EIF2S1: variants seen among roughly 807,000 people sequenced by gnomAD.
The protein encoded by EIF2S1 is eukaryotic translation initiation factor 2 subunit alpha.
In EIF2S1, 5 loss-of-function variants were observed where a neutral mutation model predicts 33.5. The ratio of observed to expected loss-of-function variants is 0.15; its 90% confidence interval spans 0.08 to 0.31. The LOEUF (loss-of-function observed/expected upper bound fraction) is 0.31. EIF2S1 is among the 10% of genes least tolerant of loss of function. The probability of loss-of-function intolerance (pLI) is 1.00; values close to 1 mark genes in which losing one functional copy is unlikely to be tolerated. For missense variants in EIF2S1, 191 were observed against 384.6 expected (o/e 0.50, Z 4.21); for synonymous variants, 99 against 127.5 (o/e 0.78, Z 1.51).
Position 67,385,474 on chromosome 14 carries a change from C to T in EIF2S1, c.*2034C>T, listed in dbSNP as rs1404419694. The T allele has an allele frequency of 6.6e-6, 1 of 151,398 alleles. No individual in the cohort carries two copies. Among genetic ancestry groups the T allele is most frequent in the Non-Finnish European group, 1.5e-5 (1 of 67,890 alleles). 9.4% of individuals were successfully genotyped at this position (151,398 alleles called of 1,614,324 possible). A position where few individuals can be genotyped will look rare whatever the true frequency, so the allele number is the denominator to read the frequency against. ...AAAAAAAACCAAAAATCTTGAATCT[C>T]CCATCAAAGCCTTTTCATTAAAAAT... On this transcript the variant is annotated 3_prime_UTR_variant, in exon 8 of 8. Transcript: ENST00000256383.
intron 3 of EIF2S1, among the ~76,000 whole-genome samples, chr14:67,375,070 T>C (rs1406446950): frequency 1.3e-4 from 20 of 152,176 alleles, no homozygotes; most frequent in Non-Finnish European, 4.4e-5. Flanking sequence ...CACTAGCGTG[T>C]TAGGATTATT....
At position 67,376,722 on chromosome 14, in the gene EIF2S1, G is replaced by T. The variant is rs1361092018; in HGVS notation, c.473+132G>T. The T allele has an allele frequency of 5.7e-6, 5 of 873,702 alleles. No individual in the cohort carries two copies. The East Asian group carries it at 1.2e-4, about 22-fold the overall frequency. The allele number at this position is 873,702 out of a possible 1,614,324, so 54.1% of individuals were successfully genotyped here. On this transcript the variant is annotated intron_variant, in intron 4 of 7. Coordinates refer to ENST00000256383, the MANE Select transcript of EIF2S1 (RefSeq NM_004094.5). Reference sequence around the variant, plus strand: ...AATATTTTGTATTGGCCAGTAAATGGGCCAATCCTATATGGTCAAGTCTGT... The same window carrying T: ...AATATTTTGTATTGGCCAGTAAATGTGCCAATCCTATATGGTCAAGTCTGT...
intron 2 of EIF2S1, among the ~76,000 whole-genome samples, chr14:67,367,190 GT>G (rs1214905797): frequency 6.6e-6 from 1 of 152,222 alleles, no homozygotes; most frequent in African/African-American, 2.4e-5. Context: ...AGAGCTTATA[GT>G]TTTGAGTTCA....
intron 4 of EIF2S1, among the ~76,000 whole-genome samples, chr14:67,378,170 G>A (rs1008977017): frequency 6.6e-6 from 1 of 151,032 alleles, no homozygotes; most frequent in African/African-American, 2.4e-5. Context: ...TATACTTGCT[G>A]TCTCTTTACC....
chr14:67,380,141 A>G (rs553115129), intron 4 of EIF2S1, among the ~76,000 whole-genome samples: 1 of 151,928 alleles, frequency 6.6e-6, no homozygotes, highest in South Asian at 2.1e-4. Flanking sequence ...TCATATTTTC[A>G]TTTGCTCACT....
intron 4 of EIF2S1, among the ~76,000 whole-genome samples, chr14:67,377,598 T>A (rs147378226): frequency 6.6e-6 from 1 of 152,376 alleles, no homozygotes; most frequent in African/African-American, 2.4e-5. Context: ...CTGGAATTTG[T>A]GTCCTAATTG....
At chr14:67,364,617 C>A in intron 1 of EIF2S1, 150 bp from the exon 2 acceptor site, 1 of 714,000 alleles carries the variant, frequency 1.4e-6, no homozygotes, top group Non-Finnish European at 2.2e-6. Context: ...TTTTCTGGTA[C>A]CACTTAAGAA....
chr14:67,369,635 A>C (rs61988179), intron 2 of EIF2S1, among the ~76,000 whole-genome samples: 25,339 of 152,216 alleles, frequency 0.17, 2,607 homozygotes, highest in Non-Finnish European at 0.23. Flanking sequence ...CTCTGATCAC[A>C]CTGGAAGTAA....
chr14:67,365,682 C>A (rs376284221), intron 2 of EIF2S1, among the ~76,000 whole-genome samples: 1 of 152,104 alleles, frequency 6.6e-6, no homozygotes, highest in African/African-American at 2.4e-5. Context: ...GTTTTAGTTT[C>A]AGCCATCTTA....
At chr14:67,373,187 G>A (rs1566613644) in intron 2 of EIF2S1, among the ~76,000 whole-genome samples, 1 of 152,132 alleles carries the variant, frequency 6.6e-6, no homozygotes, top group East Asian at 1.9e-4. Context: ...GAAAATTTAT[G>A]TTCACAGAGA....
intron 2 of EIF2S1, among the ~76,000 whole-genome samples, chr14:67,371,786 C>T (rs964150741): frequency 1.3e-5 from 2 of 152,182 alleles, no homozygotes; most frequent in African/African-American, 4.8e-5. Flanking sequence ...TTTTATGAGG[C>T]CATCATAACC....
At chr14:67,381,111 C>G (rs2085885670) in intron 5 of EIF2S1, among the ~76,000 whole-genome samples, 2 of 152,108 alleles carry the variant, frequency 1.3e-5, no homozygotes, top group Non-Finnish European at 2.9e-5. Context: ...CCTTTTCCAC[C>G]CAGTGTATCA....
At position 67,382,585 on chromosome 14, in the gene EIF2S1, A is replaced by T. The variant is rs768062689; in HGVS notation, c.817A>T (p.Met273Leu). 1.2e-6 allele frequency: 2 copies of T among 1,613,874 alleles called. No homozygotes were observed. ...AAAGAGGGGTGTGTTCAATGTTCAAATGGAGGTGAGATCAATAGATTCATT... is the reference window on the plus strand; with the variant it reads ...AAAGAGGGGTGTGTTCAATGTTCAATTGGAGGTGAGATCAATAGATTCATT... ...EEKRGVFNVQMEPKVVTDTDE... is the reference protein window; with the variant it reads ...EEKRGVFNVQLEPKVVTDTDE... The change falls in exon 7 of 8, where the codon ATG becomes TTG. Residue 273 changes from methionine to leucine, a missense_variant. Physicochemically the swap from Met to Leu is conservative, Grantham distance 15. Transcript: ENST00000256383.
chr14:67,382,845 A>C (rs2085895292), intron 7 of EIF2S1, among the ~76,000 whole-genome samples: 1 of 152,098 alleles, frequency 6.6e-6, no homozygotes, highest in African/African-American at 2.4e-5. Context: ...TTGGAGAAAA[A>C]AAAAGTTGTC....
At chr14:67,373,821 TTAGA>T (rs1199663738) in intron 2 of EIF2S1, among the ~76,000 whole-genome samples, 4 of 149,068 alleles carry the variant, frequency 2.7e-5, no homozygotes, top group Non-Finnish European at 4.4e-5. Flanking sequence ...ATACAGTAGA[TTAGA>T]TAGTTTTAAT....
At chr14:67,373,126 C>G (rs115408585) in intron 2 of EIF2S1, among the ~76,000 whole-genome samples, 494 of 152,242 alleles carry the variant, frequency 3.2e-3, no homozygotes, top group African/African-American at 0.011. Flanking sequence ...GAAAGTTTGG[C>G]AGATAAAATT....
Position 67,380,754 on chromosome 14 carries a change from A to G in EIF2S1, c.569A>G (p.Lys190Arg), listed in dbSNP as rs200607424. The G allele has an allele frequency of 2.0e-6, 3 of 1,522,772 alleles. No individual in the cohort carries two copies. The highest frequency in any genetic ancestry group is 1.4e-5 in the African/African-American group (1 of 70,628). 94.3% of individuals were successfully genotyped at this position (1,522,772 alleles called of 1,614,324 possible). A position where few individuals can be genotyped will look rare whatever the true frequency, so the allele number is the denominator to read the frequency against. The change falls in exon 5 of 8, where the codon AAA becomes AGA. Residue 190 changes from lysine to arginine, a missense_variant. Physicochemically the swap from Lys to Arg is conservative, Grantham distance 26. Coordinates refer to ENST00000256383, the MANE Select transcript of EIF2S1 (RefSeq NM_004094.5). ...INRRLTPQAV[K>R]IRADIEVACY... Reference sequence around the variant, plus strand: ...AGGCGCTTGACCCCACAGGCTGTCAAAATTCGAGCAGGTAAATGATTTTTT... The same window carrying G: ...AGGCGCTTGACCCCACAGGCTGTCAGAATTCGAGCAGGTAAATGATTTTTT...
At position 67,360,365 on chromosome 14, in the gene EIF2S1, A is replaced by G. The variant is rs1314191832; in HGVS notation, c.-93A>G. 2 of 396,948 alleles carry G rather than the reference A, an allele frequency of 5.0e-6. No individual in the cohort carries two copies. Among genetic ancestry groups the G allele is most frequent in the African/African-American group, 2.1e-5 (1 of 48,584 alleles). The allele number at this position is 396,948 out of a possible 1,614,324, so 24.6% of individuals were successfully genotyped here. ...GTGAGCGAAGCGCACGCTGAGGAGG[A>G]TCGGCGGCCGGTGAGGGGGAAGCAA... On this transcript the variant is annotated 5_prime_UTR_variant, in exon 1 of 8. Coordinates refer to ENST00000256383, the MANE Select transcript of EIF2S1 (RefSeq NM_004094.5).
intron 3 of EIF2S1, 64 bp downstream of exon 3, chr14:67,374,611 T>C: frequency 1.8e-6 from 2 of 1,087,954 alleles, no homozygotes; most frequent in Non-Finnish European, 2.7e-6. Context: ...TTTGAAATCT[T>C]AATTTCATAC....
Sources: gnomAD v4.1 joint callset for allele counts (sites outside exome capture counted in the v4.1 genomes callset) on GRCh38, gnomAD v4.1.1 for gene constraint, MANE v1.5 for transcripts, NCBI Gene and HGNC (gene_info 2026-07-23, HGNC 2026-07-21) for gene names.